ZFPM1: variants seen among roughly 807,000 people sequenced by gnomAD.
ZFPM1 encodes zinc finger protein ZFPM1.
ZFPM1 carries 28 observed loss-of-function variants against 46.3 expected under a neutral mutation model. The observed-to-expected ratio is 0.60, with a 90% CI of 0.45 to 0.83. The LOEUF (loss-of-function observed/expected upper bound fraction) is 0.83, where lower values mean the gene tolerates loss of function less well. Among genes scored for constraint, ZFPM1 ranks in the 40% least tolerant of loss-of-function variants. The pLI, the probability that ZFPM1 is intolerant of heterozygous loss-of-function variation, is 0.00. For synonymous variants in ZFPM1, 957 were observed against 675.9 expected (o/e 1.42, Z -6.45); for missense variants, 1,878 against 1,432.4 (o/e 1.31, Z -5.02).
intron 1 of ZFPM1, among the ~76,000 whole-genome samples, chr16:88,466,759 G>T (rs980824989): frequency 6.6e-6 from 1 of 152,144 alleles, no homozygotes; most frequent in South Asian, 2.1e-4. Context: ...AGTGCAGTGG[G>T]GTGTGTATGT....
At chr16:88,524,000 G>T (rs908064429) in intron 4 of ZFPM1, among the ~76,000 whole-genome samples, 2 of 152,240 alleles carry the variant, frequency 1.3e-5, no homozygotes, top group Admixed American at 1.3e-4. Flanking sequence ...CAGTTGCGGC[G>T]CGTGTTTTTA....
At chr16:88,452,031 G>A (rs1332042198), upstream of ZFPM1, among the ~76,000 whole-genome samples, 2 of 152,158 alleles carry the variant, frequency 1.3e-5, no homozygotes, top group Admixed American at 6.5e-5. Flanking sequence ...GCAGGCTGGC[G>A]GGTGGTGTGA....
At position 88,533,521 on chromosome 16, in the gene ZFPM1, C is replaced by A. The variant is rs1369818454; in HGVS notation, c.1563C>A (p.Ala521=). The part of the protein sequence containing the change: ...SSPVPGELGL[A]GALFLPQYVF... ...CGGTGCCCGGCGAGCTGGGCCTGGC[C>A]GGGGCCCTGTTCCTTCCGCAGTACG... Residue 521 remains alanine (A), a synonymous_variant, in exon 10 of 10, where the codon GCC becomes GCA. Transcript: ENST00000319555. 2.1e-6 allele frequency: 3 copies of A among 1,430,670 alleles called. No individual in the cohort carries two copies. Among genetic ancestry groups the A allele is most frequent in the East Asian group, 6.6e-5 (2 of 30,482 alleles). 88.6% of individuals were successfully genotyped at this position (1,430,670 alleles called of 1,614,324 possible).
chr16:88,499,759 A>T (rs1485675319), intron 3 of ZFPM1, among the ~76,000 whole-genome samples: 1 of 152,112 alleles, frequency 6.6e-6, no homozygotes, highest in East Asian at 1.9e-4. Context: ...CCCCACCCCC[A>T]TGCTGGGGAG....
Position 88,536,847 on chromosome 16 carries a change from G to A in ZFPM1, c.*1868G>A, listed in dbSNP as rs1049292947. The A allele has an allele frequency of 6.6e-6, 1 of 152,268 alleles. No individual in the cohort carries two copies. Among genetic ancestry groups the A allele is most frequent in the Non-Finnish European group, 1.5e-5 (1 of 68,068 alleles). 9.4% of individuals were successfully genotyped at this position (152,268 alleles called of 1,614,324 possible). ...GGGACGGGAGGCACGGACCCCTCAA[G>A]TCTGCTCATCATTTGCATTGTTGTG... is the stretch of plus-strand genomic sequence containing the variant. On this transcript the variant is annotated 3_prime_UTR_variant, in exon 10 of 10. Transcript: ENST00000319555.
At chr16:88,518,870 G>A (rs1435178866) in intron 4 of ZFPM1, among the ~76,000 whole-genome samples, 7 of 148,790 alleles carry the variant, frequency 4.7e-5, no homozygotes, top group African/African-American at 1.7e-4. Flanking sequence ...TTGGGTGGAT[G>A]GATAGATGGA....
intron 3 of ZFPM1, among the ~76,000 whole-genome samples, chr16:88,501,574 G>A (rs548713660): frequency 1.1e-4 from 14 of 131,742 alleles, no homozygotes; most frequent in Non-Finnish European, 2.0e-4. Context: ...GATGGAGATA[G>A]CGGGTGTGGG....
intron 3 of ZFPM1, among the ~76,000 whole-genome samples, chr16:88,490,744 G>A (rs1295465916): frequency 6.6e-6 from 1 of 152,210 alleles, no homozygotes; most frequent in African/African-American, 2.4e-5. Flanking sequence ...GGGAAGCTGA[G>A]TTACACCTGC....
intron 3 of ZFPM1, among the ~76,000 whole-genome samples, chr16:88,492,373 G>T (rs900418079): frequency 6.6e-6 from 1 of 152,194 alleles, no homozygotes; most frequent in African/African-American, 2.4e-5. Flanking sequence ...ACCTGGCCTG[G>T]GGCCCTGTTC....
intron 3 of ZFPM1, among the ~76,000 whole-genome samples, chr16:88,489,858 C>G (rs1040291260): frequency 1.3e-5 from 2 of 152,138 alleles, no homozygotes; most frequent in Admixed American, 1.3e-4. Flanking sequence ...ATCCCACAGC[C>G]CAAGGAACCG....
chr16:88,453,022 G>A (rs368555302), upstream of ZFPM1, among the ~76,000 whole-genome samples: 8 of 151,722 alleles, frequency 5.3e-5, no homozygotes, highest in Admixed American at 4.6e-4. Context: ...AGGCCCAGAC[G>A]GACAGGGGCG....
chr16:88,532,701 C>A lies in ZFPM1; in HGVS notation c.1034C>A (p.Thr345Lys). The A allele has an allele frequency of 6.2e-7, 1 of 1,611,280 alleles. No individual in the cohort carries two copies. Among genetic ancestry groups the A allele is most frequent in the Non-Finnish European group, 8.5e-7 (1 of 1,179,030 alleles). ...CERHLKVHTD[T>K]LSGVCHSCGF... ...CGGCACCTCAAGGTGCACACGGACACGCTGAGCGGTAGGCACCGCAGGGGC... is the reference window on the plus strand; with the variant it reads ...CGGCACCTCAAGGTGCACACGGACAAGCTGAGCGGTAGGCACCGCAGGGGC... Residue 345 changes from threonine (T) to lysine (K), a missense_variant, in exon 8 of 10, where the codon ACG (threonine) becomes AAG (lysine). Thr to Lys is a moderately conservative substitution (Grantham distance 78, BLOSUM62 -1). Coordinates refer to ENST00000319555, the MANE Select transcript of ZFPM1 (RefSeq NM_153813.3).
intron 3 of ZFPM1, among the ~76,000 whole-genome samples, chr16:88,494,509 C>G (rs1307162034): frequency 6.6e-6 from 1 of 152,152 alleles, no homozygotes; most frequent in Non-Finnish European, 1.5e-5. Flanking sequence ...CACACCAAAC[C>G]CCGCCGTCAC....
At chr16:88,522,714 G>A (rs1211840093) in intron 4 of ZFPM1, among the ~76,000 whole-genome samples, 4 of 152,192 alleles carry the variant, frequency 2.6e-5, no homozygotes, top group African/African-American at 9.7e-5. Context: ...GGTGGGGCCG[G>A]CCAGGGCCCA....
intron 1 of ZFPM1, among the ~76,000 whole-genome samples, chr16:88,460,156 G>A (rs1405745809): frequency 2.0e-5 from 3 of 152,116 alleles, no homozygotes; most frequent in Non-Finnish European, 4.4e-5. Flanking sequence ...TCCTGCCTGT[G>A]CCTGTCCACC....
chr16:88,500,377 T>C (rs1392730316), intron 3 of ZFPM1, among the ~76,000 whole-genome samples: 3 of 152,310 alleles, frequency 2.0e-5, no homozygotes, highest in South Asian at 4.2e-4. Context: ...CTTGGGACAG[T>C]GGGCAGGCGC....
Position 88,532,687 on chromosome 16 carries a change from G to T in ZFPM1, c.1020G>T (p.Lys340Asn). The T allele has an allele frequency of 6.2e-7, 1 of 1,609,582 alleles. No homozygotes were observed. The highest frequency in any genetic ancestry group is 1.1e-5 in the South Asian group (1 of 90,612). ...TTKANCERHL[K>N]VHTDTLSGVC... Reference sequence around the variant, plus strand: ...AGGCCAACTGCGAGCGGCACCTCAAGGTGCACACGGACACGCTGAGCGGTA... The same window carrying T: ...AGGCCAACTGCGAGCGGCACCTCAATGTGCACACGGACACGCTGAGCGGTA... The change falls in exon 8 of 10, where the codon AAG becomes AAT. Residue 340 changes from lysine to asparagine, a missense_variant. By Grantham distance (94) the Lys-to-Asn change is moderately conservative. Coordinates refer to ENST00000319555, the MANE Select transcript of ZFPM1 (RefSeq NM_153813.3).
intron 3 of ZFPM1, among the ~76,000 whole-genome samples, chr16:88,493,177 G>A (rs1252158731): frequency 1.8e-5 from 2 of 111,312 alleles, no homozygotes; most frequent in Non-Finnish European, 4.2e-5. Flanking sequence ...CTGTCCCGGA[G>A]TGAGGAGAGC....
At chr16:88,481,483 G>T (rs1174626444) in intron 1 of ZFPM1, among the ~76,000 whole-genome samples, 1 of 146,554 alleles carries the variant, frequency 6.8e-6, no homozygotes, top group Non-Finnish European at 1.5e-5. Context: ...AGTCGGCCTT[G>T]CTGGGCCTTG....
Sources: allele counts gnomAD v4.1 joint callset (sites outside exome capture counted in the v4.1 genomes callset), GRCh38; gene constraint gnomAD v4.1.1; transcripts MANE v1.5; gene names NCBI Gene and HGNC (gene_info 2026-07-23, HGNC 2026-07-21).